Variants in DCHS2 observed in about 807,000 individuals in gnomAD.
DCHS2 encodes the protein dachsous cadherin-related 2, also known as protocadherin-23.
DCHS2 carries 142 observed loss-of-function variants against 182.4 expected under a neutral mutation model. The ratio of observed to expected loss-of-function variants is 0.78; its 90% confidence interval spans 0.68 to 0.89. DCHS2 has a LOEUF of 0.89. Among genes scored for constraint, DCHS2 ranks in the 40% least tolerant of loss-of-function variants. DCHS2 has a pLI of 0.00. For missense variants in DCHS2, 4,319 were observed against 4,198.6 expected (o/e 1.03, Z -0.79); for synonymous variants, 1,740 against 1,663.3 (o/e 1.05, Z -1.12).
chr4:154,490,811 GGC>G lies in DCHS2; in HGVS notation c.543_544del (p.Pro182ArgfsTer107). ...AACTGGCAGGCGGAAGGCGGTCCCTGGCGGGCTGAGCTCGGAGACGTCGAGTT... is the reference window on the plus strand; with the variant it reads ...AACTGGCAGGCGGAAGGCGGTCCCTGGGGCTGAGCTCGGAGACGTCGAGTT... On this transcript the variant is annotated frameshift_variant, in exon 1 of 20. Coordinates refer to ENST00000357232, the MANE Select transcript of DCHS2 (RefSeq NM_001358235.2). LOFTEE classifies it high-confidence loss of function. 6.4e-7 allele frequency: 1 copy of G among 1,551,590 alleles called. No homozygotes were observed. Among genetic ancestry groups the G allele is most frequent in the Non-Finnish European group, 8.7e-7 (1 of 1,146,930 alleles).
intron 9 of DCHS2, among the ~76,000 whole-genome samples, chr4:154,318,651 G>C (rs962247646): frequency 6.6e-6 from 1 of 151,884 alleles, no homozygotes; most frequent in Admixed American, 6.6e-5. Flanking sequence ...TAGCTGAGGA[G>C]GTGAGTACCC....
intron 13 of DCHS2, among the ~76,000 whole-genome samples, chr4:154,278,162 T>G (rs889036966): frequency 1.3e-5 from 2 of 151,464 alleles, no homozygotes; most frequent in African/African-American, 2.4e-5. Flanking sequence ...AATAAAGAGA[T>G]AGAAACTAAT....
At chr4:154,475,732 A>G (rs915141161) in intron 1 of DCHS2, among the ~76,000 whole-genome samples, 3 of 152,222 alleles carry the variant, frequency 2.0e-5, no homozygotes, top group African/African-American at 7.2e-5. Flanking sequence ...TGTCTGGTTG[A>G]CTTTCCATGC....
At chr4:154,421,768 C>T (rs1733123329) in intron 1 of DCHS2, among the ~76,000 whole-genome samples, 1 of 152,214 alleles carries the variant, frequency 6.6e-6, no homozygotes, top group Admixed American at 6.5e-5. Context: ...TCCCTTCTAG[C>T]CACAGCCTTT....
At chr4:154,296,896 C>T (rs778607431) in intron 13 of DCHS2, among the ~76,000 whole-genome samples, 2 of 152,092 alleles carry the variant, frequency 1.3e-5, no homozygotes, top group Non-Finnish European at 1.5e-5. Flanking sequence ...GAGAAAATAA[C>T]GCTGGCAGCT....
At position 154,257,995 on chromosome 4, in the gene DCHS2, T is replaced by C. The variant is rs116244740; in HGVS notation, c.6789+1550A>G. On this transcript the variant is annotated intron_variant, in intron 15 of 19. Transcript: ENST00000357232. The stretch of plus-strand genomic sequence containing the variant: ...CATTTGGGACAGAGAAGTGAAACGA[T>C]GCAGGGCCCCAGTGTGGGGATCCTC... 4.2e-3 allele frequency among the ~76,000 whole-genome samples: 643 copies of C among 152,328 alleles called. 3 individuals are homozygous for C. The highest frequency in any genetic ancestry group is 0.015 in the African/African-American group (619 of 41,570).
chr4:154,280,404 G>C (rs565165263), intron 13 of DCHS2, among the ~76,000 whole-genome samples: 5 of 152,176 alleles, frequency 3.3e-5, no homozygotes, highest in African/African-American at 1.2e-4. Context: ...TCCAAAGTCA[G>C]ACAAAGATAC....
chr4:154,381,507 T>G (rs1215068421), intron 1 of DCHS2, among the ~76,000 whole-genome samples: 3 of 152,066 alleles, frequency 2.0e-5, no homozygotes, highest in Non-Finnish European at 4.4e-5. Context: ...CTCTCTTTAC[T>G]GACAATATAA....
chr4:154,448,339 C>A (rs1332679360), intron 1 of DCHS2, among the ~76,000 whole-genome samples: 1 of 152,172 alleles, frequency 6.6e-6, no homozygotes, highest in African/African-American at 2.4e-5. Context: ...ATCTCAGATG[C>A]CTCAAGTGTC....
intron 3 of DCHS2, chr4:154,357,462 C>G (rs932820404): frequency 9.8e-6 from 6 of 614,720 alleles, no homozygotes; most frequent in African/African-American, 1.8e-5. Context: ...CTTTCTGAGC[C>G]CAGCTATCAC....
intron 7 of DCHS2, chr4:154,323,266 T>C: frequency 6.4e-7 from 1 of 1,550,582 alleles, no homozygotes. Context: ...TGTTTGTTTG[T>C]TTGTTTGTTT....
chr4:154,453,384 A>T (rs1734621324), intron 1 of DCHS2, among the ~76,000 whole-genome samples: 1 of 151,672 alleles, frequency 6.6e-6, no homozygotes, highest in African/African-American at 2.4e-5. Flanking sequence ...ATATTTAGGA[A>T]ATCATAAAGA....
rs905591710 is a variant in DCHS2 at position 154,417,813 on chromosome 4, C to A, written c.2053-40369G>T. ...GAAACTATCTTAAAAATCAACTAGG[C>A]TTTCAATTCTCTTTCTATATTCTAC... On this transcript the variant is annotated intron_variant, in intron 1 of 19. Transcript: ENST00000357232. Among the ~76,000 whole-genome samples the A allele has an allele frequency of 2.0e-5, 3 of 152,178 alleles. No homozygotes were observed. The South Asian group carries it at 6.2e-4, about 31-fold the overall frequency.
At chr4:154,361,344 A>T (rs1026034750) in intron 3 of DCHS2, among the ~76,000 whole-genome samples, 3 of 152,192 alleles carry the variant, frequency 2.0e-5, no homozygotes, top group Admixed American at 2.0e-4. Flanking sequence ...TTGAAAAAAA[A>T]GTAGTTTCTT....
intron 10 of DCHS2, among the ~76,000 whole-genome samples, chr4:154,311,352 T>C (rs1455625100): frequency 6.6e-6 from 1 of 152,134 alleles, no homozygotes; most frequent in African/African-American, 2.4e-5. Flanking sequence ...CTACTTCAGC[T>C]TCCTGAGTAG....
rs1301942699 is a variant in DCHS2, at chr4:154,309,272, C to A, written c.5261-4041G>T. 2.0e-5 allele frequency among the ~76,000 whole-genome samples: 3 copies of A among 152,150 alleles called. No individual in the cohort carries two copies. In the East Asian group the frequency reaches 5.8e-4, roughly 29 times the overall value. ...CTGTGATGCTGGGTCTGGGGATCTGCAAACTACATTCCCCATTGCCAACTA... is the reference window on the plus strand; with the variant it reads ...CTGTGATGCTGGGTCTGGGGATCTGAAAACTACATTCCCCATTGCCAACTA... On this transcript the variant is annotated intron_variant, in intron 10 of 19. Coordinates refer to ENST00000357232, the MANE Select transcript of DCHS2 (RefSeq NM_001358235.2).
chr4:154,328,333 G>A, intron 6 of DCHS2, 141 bp from the exon 7 acceptor site: 2 of 533,554 alleles, frequency 3.7e-6, no homozygotes, highest in Middle Eastern at 3.8e-4. Flanking sequence ...TGCATACCAT[G>A]TAAAAGTTAT....
chr4:154,243,165 A>G (rs1007406541), intron 16 of DCHS2, among the ~76,000 whole-genome samples: 1 of 152,166 alleles, frequency 6.6e-6, no homozygotes, highest in African/African-American at 2.4e-5. Flanking sequence ...ATATTGCTAC[A>G]TATTTCCATC....
Position 154,234,666 on chromosome 4 carries a change from G to A in DCHS2, c.9986C>T (p.Ser3329Phe). 3 of 1,614,024 alleles carry A rather than the reference G, an allele frequency of 1.9e-6. No homozygotes were observed. Among genetic ancestry groups the A allele is most frequent in the Non-Finnish European group, 1.7e-6 (2 of 1,179,938 alleles). The change falls in exon 20 of 20, where the codon TCT becomes TTT. Residue 3329 changes from serine to phenylalanine, a missense_variant. Ser to Phe is a radical substitution (Grantham distance 155). Transcript: ENST00000357232. Reference protein sequence around the residue: ...SLPEGMTPNFSPSLSLLTMQP... With the variant: ...SLPEGMTPNFFPSLSLLTMQP... Reference sequence around the variant, plus strand: ...CATCGTCAATAGGGAAAGAGATGGAGAAAAATTGGGAGTCATGCCTTCTGG... The same window carrying A: ...CATCGTCAATAGGGAAAGAGATGGAAAAAAATTGGGAGTCATGCCTTCTGG...
Sources: allele counts gnomAD v4.1 joint callset (sites outside exome capture counted in the v4.1 genomes callset), GRCh38; gene constraint gnomAD v4.1.1; transcripts MANE v1.5; gene names NCBI Gene and HGNC (gene_info 2026-07-23, HGNC 2026-07-21).